The following FRYL variants were observed in gnomAD, a reference collection of about 807,000 sequenced individuals.
FRYL encodes the protein protein furry homolog-like.
A neutral mutation model predicts 351.2 loss-of-function variants in FRYL; 150 were observed. The ratio of observed to expected loss-of-function variants is 0.43; its 90% CI spans 0.37 to 0.49. The LOEUF (loss-of-function observed/expected upper bound fraction) is 0.49. Ranked by LOEUF, FRYL falls within the 20% of genes least tolerant of loss-of-function variation. The pLI is 0.00. For missense variants in FRYL, 3,036 were observed against 3,619.3 expected, an observed-to-expected ratio of 0.84 and a Z score of 4.13; for synonymous variants, 1,153 against 1,257.1, an observed-to-expected ratio of 0.92 and a Z score of 1.75.
At chr4:48,506,550 G>C (rs1298170320) in intron 59 of FRYL, 1 of 143,176 alleles carries the variant, frequency 7.0e-6, no homozygotes, top group African/African-American at 2.6e-5. Context: ...TGGACAGTTT[G>C]ATATTATCAG....
chr4:48,776,495 T>C (rs1325531088), intron 1 of FRYL, among the ~76,000 whole-genome samples: 1 of 152,158 alleles, frequency 6.6e-6, no homozygotes. Context: ...TAGGCAACAG[T>C]AAAAATGAAA....
At chr4:48,744,633 A>T (rs1772465251) in intron 1 of FRYL, among the ~76,000 whole-genome samples, 1 of 152,240 alleles carries the variant, frequency 6.6e-6, no homozygotes, top group African/African-American at 2.4e-5. Flanking sequence ...TGCATTAAGG[A>T]GAAATGTCTC....
intron 3 of FRYL, among the ~76,000 whole-genome samples, chr4:48,674,413 A>G (rs2149515854): frequency 6.6e-6 from 1 of 152,276 alleles, no homozygotes; most frequent in Non-Finnish European, 1.5e-5. Flanking sequence ...GGATAAGATT[A>G]TATCACATCA....
intron 3 of FRYL, among the ~76,000 whole-genome samples, chr4:48,667,936 C>T (rs1189248337): frequency 5.9e-5 from 9 of 152,232 alleles, no homozygotes; most frequent in Non-Finnish European, 1.2e-4. Flanking sequence ...GCGAGAGCCA[C>T]AGCGTCCGGC....
rs1241300670 is a variant in FRYL, at chr4:48,594,661, T to C, written c.1249-645A>G. ...CTAGTAAATAACAATGTACTAATTC[T>C]ATTTAAATATTCTTTATTTCTTCAC... On this transcript the variant is annotated intron_variant, in intron 15 of 63. Coordinates refer to ENST00000358350, the MANE Select transcript of FRYL (RefSeq NM_015030.2). Among the ~76,000 whole-genome samples, 5 of 152,378 alleles carry C rather than the reference T, an allele frequency of 3.3e-5. 1 individual carries two copies. Among genetic ancestry groups the C allele is most frequent in the Admixed American group, 3.3e-4 (5 of 15,308 alleles).
intron 1 of FRYL, among the ~76,000 whole-genome samples, chr4:48,759,096 G>C (rs1481160051): frequency 3.9e-5 from 6 of 152,138 alleles, no homozygotes; most frequent in East Asian, 3.8e-4. Flanking sequence ...TTGGGGGAAG[G>C]GGGGAGAATA....
rs572221533 is a variant in FRYL, at chr4:48,712,388, T to C, written c.-383-1690A>G. 7.9e-5 allele frequency among the ~76,000 whole-genome samples: 12 copies of C among 152,114 alleles called. No individual in the cohort carries two copies. In the South Asian group the frequency reaches 2.5e-3, roughly 32 times the overall value. On this transcript the variant is annotated intron_variant, in intron 1 of 63. Coordinates refer to ENST00000358350, the MANE Select transcript of FRYL (RefSeq NM_015030.2). The stretch of plus-strand genomic sequence containing the variant: ...AAGTGCTTAAAGGAGCCGATGGAGC[T>C]GAAAGCCAAGGCTCGAGAACTACAT...
intron 1 of FRYL, among the ~76,000 whole-genome samples, chr4:48,711,396 C>T (rs552198999): frequency 2.1e-4 from 32 of 151,420 alleles, no homozygotes; most frequent in African/African-American, 7.3e-4. Flanking sequence ...TAAAAAACGG[C>T]GCACCAGGAG....
chr4:48,628,774 T>G (rs1437509363), intron 4 of FRYL, among the ~76,000 whole-genome samples: 1 of 152,072 alleles, frequency 6.6e-6, no homozygotes, highest in Non-Finnish European at 1.5e-5. Context: ...CACATCCCTA[T>G]GTACTCCCAT....
chr4:48,573,147 T>C, intron 26 of FRYL, 39 bp downstream of exon 26: 10 of 1,492,312 alleles, frequency 6.7e-6, no homozygotes, highest in African/African-American at 2.8e-5. Context: ...GGCAGAAAAA[T>C]GAATGTTCAC....
At chr4:48,548,951 G>A (rs546535556) in intron 39 of FRYL, among the ~76,000 whole-genome samples, 158 bp from the exon 40 acceptor site, 3 of 152,234 alleles carry the variant, frequency 2.0e-5, no homozygotes, top group South Asian at 2.1e-4. Flanking sequence ...TGAAGAAAAC[G>A]TTAACCATTA....
At chr4:48,736,850 GA>G (rs368006420) in intron 1 of FRYL, among the ~76,000 whole-genome samples, 674 of 40,590 alleles carry the variant, frequency 0.017, 2 homozygotes, top group African/African-American at 0.057. Context: ...ACTCTGTCTC[GA>G]AAAAAAAAAA....
At chr4:48,657,027 T>G (rs1454433399) in intron 3 of FRYL, among the ~76,000 whole-genome samples, 2 of 152,214 alleles carry the variant, frequency 1.3e-5, no homozygotes, top group Non-Finnish European at 2.9e-5. Flanking sequence ...GTATTTTCTT[T>G]CTAATCCTTC....
intron 25 of FRYL, among the ~76,000 whole-genome samples, chr4:48,574,821 T>C (rs1560636269): frequency 6.6e-6 from 1 of 152,152 alleles, no homozygotes; most frequent in African/African-American, 2.4e-5. Flanking sequence ...CATAAATAAA[T>C]ATAGTAGTAA....
intron 7 of FRYL, among the ~76,000 whole-genome samples, chr4:48,610,559 G>A (rs1020661597): frequency 5.4e-5 from 8 of 149,408 alleles, no homozygotes; most frequent in African/African-American, 2.0e-4. Context: ...CACTCAATAT[G>A]TATATATCAC....
chr4:48,768,708 T>A (rs1578979120), intron 1 of FRYL, among the ~76,000 whole-genome samples: 1 of 151,444 alleles, frequency 6.6e-6, no homozygotes, highest in Non-Finnish European at 1.5e-5. Context: ...AAGGCTAGGG[T>A]AGGAGAATCA....
intron 2 of FRYL, among the ~76,000 whole-genome samples, chr4:48,689,421 T>C (rs1765479188): frequency 6.6e-6 from 1 of 152,226 alleles, no homozygotes; most frequent in South Asian, 2.1e-4. Flanking sequence ...AAATTTATCA[T>C]ATAAATCTTT....
chr4:48,573,700 C>G (rs554760893), intron 25 of FRYL, among the ~76,000 whole-genome samples: 17 of 152,188 alleles, frequency 1.1e-4, no homozygotes, highest in African/African-American at 4.1e-4. Context: ...CAGGCATGCA[C>G]CACTATGCCT....
At chr4:48,546,895 C>T (rs1458385957) in intron 41 of FRYL, 3 of 152,130 alleles carry the variant, frequency 2.0e-5, no homozygotes, top group East Asian at 3.9e-4. Flanking sequence ...ATAATTGTTT[C>T]CTAACTATAG....
Sources: allele counts gnomAD v4.1 joint callset (sites outside exome capture counted in the v4.1 genomes callset), GRCh38; gene constraint gnomAD v4.1.1; transcripts MANE v1.5; gene names NCBI Gene and HGNC (gene_info 2026-07-23, HGNC 2026-07-21).